CACNB2: variants seen among roughly 807,000 people sequenced by gnomAD.
CACNB2 encodes the protein calcium voltage-gated channel auxiliary subunit beta 2.
CACNB2 carries 42 observed loss-of-function variants against 73.3 expected under a neutral mutation model. The ratio of observed to expected loss-of-function variants is 0.57; its 90% CI spans 0.45 to 0.74. The LOEUF is 0.74. Ranked by LOEUF, CACNB2 falls within the 30% of genes least tolerant of loss-of-function variation. The pLI, the probability that CACNB2 is intolerant of heterozygous loss-of-function variation, is 0.00. For synonymous variants in CACNB2, 348 were observed against 310.3 expected (o/e 1.12, Z -1.28); for missense variants, 940 against 853.0 (o/e 1.10, Z -1.27).
chr10:18,539,352 A>C lies in CACNB2; in HGVS notation c.1611A>C (p.Pro537=), dbSNP rs2053921033. 6.2e-7 allele frequency: 1 copy of C among 1,613,988 alleles called. No homozygotes were observed. Among genetic ancestry groups the C allele is most frequent in the African/African-American group, 1.3e-5 (1 of 74,908 alleles). ...KSQHRSSSSA[P]HHNHRSGTSR... ...AGCACCGCTCTTCCTCCTCAGCCCC[A>C]CACCACAACCATCGCAGTGGGACAA... is the stretch of plus-strand genomic sequence containing the variant. Residue 537 remains proline, a synonymous_variant, in exon 14 of 14, where the codon CCA becomes CCC. Coordinates refer to ENST00000324631, the MANE Select transcript of CACNB2 (RefSeq NM_201596.3).
intron 2 of CACNB2, among the ~76,000 whole-genome samples, chr10:18,358,552 C>CTT (rs2042022886): frequency 4.6e-5 from 1 of 21,582 alleles, no homozygotes; most frequent in East Asian, 3.7e-4. Flanking sequence ...CTCTCTCTCT[C>CTT]GCTCTCTCTC....
chr10:18,169,986 C>T (rs2033116714), intron 2 of CACNB2, among the ~76,000 whole-genome samples: 1 of 152,184 alleles, frequency 6.6e-6, no homozygotes, highest in South Asian at 2.1e-4. Flanking sequence ...GTTTCATTCT[C>T]AGCTCTAGGT....
At chr10:18,400,620 C>A in intron 2 of CACNB2, 1 of 1,057,082 alleles carries the variant, frequency 9.5e-7, no homozygotes, top group South Asian at 3.2e-5. Context: ...GCAAATGTCA[C>A]TGCATACGTT....
At chr10:18,512,436 G>A (rs2050856126) in intron 6 of CACNB2, among the ~76,000 whole-genome samples, 1 of 150,944 alleles carries the variant, frequency 6.6e-6, no homozygotes, top group Admixed American at 6.7e-5. Context: ...CCTTTGCATT[G>A]ACTGGATTGA....
intron 2 of CACNB2, among the ~76,000 whole-genome samples, chr10:18,389,325 G>T (rs2043366024): frequency 6.6e-6 from 1 of 152,070 alleles, no homozygotes; most frequent in Admixed American, 6.6e-5. Flanking sequence ...TTTTTGTAGA[G>T]ACAGGGTCTC....
chr10:18,306,555 C>G (rs1411646841), intron 2 of CACNB2, among the ~76,000 whole-genome samples: 1 of 152,088 alleles, frequency 6.6e-6, no homozygotes, highest in Admixed American at 6.5e-5. Flanking sequence ...AAAGAAGAGT[C>G]TATTGTAAAA....
In CACNB2 at chr10:18,495,870, C is replaced by T. The variant is rs573462579; in HGVS notation, c.334-2485C>T. On this transcript the variant is annotated intron_variant, in intron 3 of 13. Coordinates refer to ENST00000324631, the MANE Select transcript of CACNB2 (RefSeq NM_201596.3). ...CATCATACTCTCAAGGATTGTGTTT[C>T]AGTTGTACAGGTAAATAAATGTACA... 2.0e-5 allele frequency among the ~76,000 whole-genome samples: 3 copies of T among 151,886 alleles called. No homozygotes were observed. In the South Asian group the frequency reaches 6.3e-4, roughly 32 times the overall value.
At chr10:18,153,547 G>A (rs2031777069) in intron 2 of CACNB2, among the ~76,000 whole-genome samples, 1 of 143,354 alleles carries the variant, frequency 7.0e-6, no homozygotes, top group Non-Finnish European at 1.5e-5. Context: ...AGTGACAATG[G>A]GCACACTAGA....
intron 3 of CACNB2, among the ~76,000 whole-genome samples, chr10:18,433,578 C>T (rs2045990972): frequency 1.3e-5 from 2 of 152,168 alleles, no homozygotes; most frequent in South Asian, 2.1e-4. Flanking sequence ...CTGGTAATAG[C>T]TGGTCTTGGT....
At chr10:18,334,181 G>A (rs1365844480) in intron 2 of CACNB2, among the ~76,000 whole-genome samples, 5 of 152,138 alleles carry the variant, frequency 3.3e-5, no homozygotes, top group South Asian at 2.1e-4. Flanking sequence ...GGCAAGTGAC[G>A]GGAGCAGGGG....
At chr10:18,351,284 ATGT>A (rs1163253324) in intron 2 of CACNB2, among the ~76,000 whole-genome samples, 1 of 152,070 alleles carries the variant, frequency 6.6e-6, no homozygotes, top group Non-Finnish European at 1.5e-5. Context: ...TCCCGTCATC[ATGT>A]TGTATTACAG....
intron 2 of CACNB2, among the ~76,000 whole-genome samples, chr10:18,331,772 A>G (rs1248976475): frequency 2.0e-5 from 3 of 152,188 alleles, no homozygotes; most frequent in African/African-American, 4.8e-5. Flanking sequence ...CCTAGCTCAG[A>G]TCTCCAAATC....
intron 3 of CACNB2, among the ~76,000 whole-genome samples, chr10:18,435,452 A>G (rs969256774): frequency 2.6e-5 from 4 of 152,092 alleles, no homozygotes; most frequent in Non-Finnish European, 5.9e-5. Flanking sequence ...AGTCTTTGAC[A>G]GTAATAAGAC....
chr10:18,310,638 AAAAG>A (rs1564425403), intron 2 of CACNB2, among the ~76,000 whole-genome samples: 2 of 150,276 alleles, frequency 1.3e-5, no homozygotes, highest in African/African-American at 4.9e-5. Context: ...AGTAAAAAAA[AAAAG>A]AAAATTATAA....
chr10:18,337,984 GCTGCTGAATA>G (rs2041073622), intron 2 of CACNB2, among the ~76,000 whole-genome samples: 1 of 152,124 alleles, frequency 6.6e-6, no homozygotes, highest in African/African-American at 2.4e-5. Flanking sequence ...TTGTGGAAAA[GCTGCTGAATA>G]CTGGCCTTGG....
chr10:18,422,993 T>A (rs978174054), intron 3 of CACNB2, among the ~76,000 whole-genome samples: 3 of 152,250 alleles, frequency 2.0e-5, no homozygotes, highest in African/African-American at 7.2e-5. Context: ...CCACTGCGCC[T>A]GGCCAACACT....
At chr10:18,271,936 C>A (rs528772556) in intron 2 of CACNB2, among the ~76,000 whole-genome samples, 3 of 152,294 alleles carry the variant, frequency 2.0e-5, no homozygotes, top group South Asian at 4.1e-4. Context: ...GTAACCTACC[C>A]TGATTTCCAA....
chr10:18,538,338 T>C lies in CACNB2; in HGVS notation c.1461T>C (p.Leu487=), dbSNP rs141440905. 3.7e-6 allele frequency: 6 copies of C among 1,614,116 alleles called. No individual in the cohort carries two copies. The African/African-American group carries it at 8.0e-5, about 22-fold the overall frequency. ...SRTLATSSLP[L]SPTLASNSQG... ...CATTAGCCACTTCAAGTCTGCCTCTTAGCCCCACCCTAGCCTCTAATTCAC... is the reference window on the plus strand; with the variant it reads ...CATTAGCCACTTCAAGTCTGCCTCTCAGCCCCACCCTAGCCTCTAATTCAC... Residue 487 remains leucine (L), a synonymous_variant, in exon 13 of 14, where the codon CTT becomes CTC. Coordinates refer to ENST00000324631, the MANE Select transcript of CACNB2 (RefSeq NM_201596.3).
At position 18,412,658 on chromosome 10, in the gene CACNB2, C is replaced by T. The variant is rs754069603; in HGVS notation, c.333+10615C>T. 9.8e-5 allele frequency among the ~76,000 whole-genome samples: 15 copies of T among 152,326 alleles called. No homozygotes were observed. In the East Asian group the frequency reaches 2.9e-3, roughly 29 times the overall value. ...CACTTTTGTCTTGCAGGTGCTGGTA[C>T]ACACAAAGTCTACTTCTACTACCAC... On this transcript the variant is annotated intron_variant, in intron 3 of 13. Coordinates refer to ENST00000324631, the MANE Select transcript of CACNB2 (RefSeq NM_201596.3).
Sources: allele counts gnomAD v4.1 joint callset (sites outside exome capture counted in the v4.1 genomes callset), GRCh38; gene constraint gnomAD v4.1.1; transcripts MANE v1.5; gene names NCBI Gene and HGNC (gene_info 2026-07-23, HGNC 2026-07-21).